TULP4: variants seen among roughly 807,000 people sequenced by gnomAD.
TULP4 encodes the protein TUB like protein 4, also known as tubby-related protein 4.
TULP4 carries 16 observed loss-of-function variants against 129.0 expected under a neutral mutation model. That is an observed-to-expected ratio of 0.12 (90% CI 0.08 to 0.19). The LOEUF (loss-of-function observed/expected upper bound fraction) is 0.19. Among genes scored for constraint, TULP4 ranks in the 10% least tolerant of loss-of-function variants. The pLI is 1.00. For synonymous variants in TULP4, 998 were observed against 854.0 expected, an observed-to-expected ratio of 1.17 and a Z score of -2.94; for missense variants, 1,842 against 2,059.1, an observed-to-expected ratio of 0.89 and a Z score of 2.04.
intron 1 of TULP4, among the ~76,000 whole-genome samples, chr6:158,288,136 A>G (rs1285930748): frequency 1.3e-5 from 2 of 152,232 alleles, no homozygotes; most frequent in Non-Finnish European, 2.9e-5. Context: ...CCTCATAGAG[A>G]AAATGGGAAT....
chr6:158,485,561 A>C (rs928894127), intron 8 of TULP4, among the ~76,000 whole-genome samples: 1 of 152,226 alleles, frequency 6.6e-6, no homozygotes, highest in Non-Finnish European at 1.5e-5. Context: ...CTATTCTTCA[A>C]GAAGAAAGAA....
intron 1 of TULP4, among the ~76,000 whole-genome samples, chr6:158,346,848 A>G (rs1780325654): frequency 1.3e-5 from 2 of 152,052 alleles, no homozygotes; most frequent in African/African-American, 2.4e-5. Context: ...CTGATCTGCT[A>G]CTTGCTAATT....
At chr6:158,332,210 T>A (rs879386906) in intron 1 of TULP4, among the ~76,000 whole-genome samples, 22 of 54,700 alleles carry the variant, frequency 4.0e-4, no homozygotes, top group Non-Finnish European at 5.5e-4. Flanking sequence ...AATATATATA[T>A]ATATATATAT....
At chr6:158,487,488 A>AT (rs1780099275) in intron 8 of TULP4, among the ~76,000 whole-genome samples, 1 of 152,230 alleles carries the variant, frequency 6.6e-6, no homozygotes, top group Non-Finnish European at 1.5e-5. Flanking sequence ...AAATTAGCAG[A>AT]TTCTTGAAAA....
At chr6:158,490,015 C>T (rs545023334) in intron 9 of TULP4, among the ~76,000 whole-genome samples, 1 of 152,242 alleles carries the variant, frequency 6.6e-6, no homozygotes, top group African/African-American at 2.4e-5. Flanking sequence ...AGTTCCCGGG[C>T]TTATATGTTT....
chr6:158,440,506 A>G (rs1307065456), intron 3 of TULP4, among the ~76,000 whole-genome samples: 2 of 152,176 alleles, frequency 1.3e-5, no homozygotes, highest in African/African-American at 4.8e-5. Flanking sequence ...AGTCTAAGCC[A>G]ACGCAAAGAG....
intron 1 of TULP4, among the ~76,000 whole-genome samples, chr6:158,367,711 T>C (rs1225311566): frequency 6.6e-6 from 1 of 152,146 alleles, no homozygotes; most frequent in Admixed American, 6.5e-5. Flanking sequence ...CAGGTGGTTC[T>C]CAAAGATTCT....
intron 1 of TULP4, among the ~76,000 whole-genome samples, chr6:158,365,103 T>C (rs1447374063): frequency 2.0e-5 from 3 of 151,926 alleles, no homozygotes; most frequent in Non-Finnish European, 4.4e-5. Flanking sequence ...GATTCAAGTC[T>C]TCAATTATGG....
In TULP4 at chr6:158,503,270, G is replaced by C. The variant is rs752213120; in HGVS notation, c.3607G>C (p.Val1203Leu). The change falls in exon 13 of 14, where the codon GTG (valine) becomes CTG (leucine). Residue 1203 changes from valine to leucine, a missense_variant. Around this residue, in one of 5 missense-constraint regions of TULP4, gnomAD observed 1,089 missense variants for 987.1 expected, o/e 1.10. Transcript: ENST00000367097. This position sits in a 1 kb window ranked among gnomAD's most constrained non-coding sequence, Gnocchi z 4.3. ...GSYNNPPLPGVQAPCSPKDAL... is the reference protein window; with the variant it reads ...GSYNNPPLPGLQAPCSPKDAL... Reference sequence around the variant, plus strand: ...CTATAACAACCCCCCTTTGCCTGGAGTGCAGGCTCCCTGCTCTCCCAAAGA... The same window carrying C: ...CTATAACAACCCCCCTTTGCCTGGACTGCAGGCTCCCTGCTCTCCCAAAGA... 3.2e-5 allele frequency: 51 copies of C among 1,613,856 alleles called. No homozygotes were observed. The highest frequency in any genetic ancestry group is 4.2e-5 in the Non-Finnish European group (50 of 1,180,004).
At chr6:158,392,422 G>A (rs1457902173) in intron 1 of TULP4, among the ~76,000 whole-genome samples, 1 of 152,196 alleles carries the variant, frequency 6.6e-6, no homozygotes, top group African/African-American at 2.4e-5. Context: ...TATGCAAATA[G>A]GAATTTGAAT....
intron 1 of TULP4, among the ~76,000 whole-genome samples, chr6:158,303,229 CAG>C (rs1260324071): frequency 1.3e-5 from 2 of 151,640 alleles, no homozygotes; most frequent in African/African-American, 4.9e-5. Context: ...ACTCACCAGC[CAG>C]AGTGGAAACA....
rs980578458 is a variant in TULP4, at chr6:158,413,903, CAATT to C, written c.381+714_381+717del. Among the ~76,000 whole-genome samples, 2 of 152,188 alleles carry C rather than the reference CAATT, an allele frequency of 1.3e-5. No individual in the cohort carries two copies. The highest frequency in any genetic ancestry group is 4.8e-5 in the African/African-American group (2 of 41,448). On this transcript the variant is annotated intron_variant, in intron 2 of 13. Transcript: ENST00000367097. This position sits in a 1 kb window ranked among gnomAD's most constrained non-coding sequence, Gnocchi z 4.9. ...AAGAACCTGAATCCTCAGGGGATGT[CAATT>C]AATAATTAATGAGGGGTTTCTTGGA... is the stretch of plus-strand genomic sequence containing the variant.
chr6:158,494,839 C>G lies in TULP4; in HGVS notation c.1863C>G (p.Leu621=). 6.2e-7 allele frequency: 1 copy of G among 1,613,904 alleles called. No individual in the cohort carries two copies. The highest frequency in any genetic ancestry group is 8.5e-7 in the Non-Finnish European group (1 of 1,179,884). The change falls in exon 11 of 14, where the codon CTC becomes CTG. Residue 621 remains leucine (L), a synonymous_variant. Transcript: ENST00000367097. ...VGLAAFLPTN[L]GAVIYKTSLL... is the part of the protein sequence containing the mutation. ...TGGCTGCTTTCCTGCCAACCAACCT[C>G]GGTGCAGGTAAAAATCATGTCCTCT...
intron 1 of TULP4, among the ~76,000 whole-genome samples, chr6:158,303,278 G>A (rs1779159668): frequency 6.6e-6 from 1 of 151,896 alleles, no homozygotes; most frequent in African/African-American, 2.4e-5. Context: ...CGTAAGTGTT[G>A]GCCGGCTGAG....
intron 5 of TULP4, among the ~76,000 whole-genome samples, chr6:158,457,175 C>A (rs1295305974): frequency 6.6e-6 from 1 of 152,108 alleles, no homozygotes; most frequent in Non-Finnish European, 1.5e-5. Context: ...GGTCTCCGAT[C>A]CACTTGGTTT....
chr6:158,316,776 A>T (rs1302899589), intron 1 of TULP4, among the ~76,000 whole-genome samples: 1 of 152,096 alleles, frequency 6.6e-6, no homozygotes, highest in Non-Finnish European at 1.5e-5. Context: ...CAGGACTGCT[A>T]GCTCCTCTGA....
intron 1 of TULP4, among the ~76,000 whole-genome samples, chr6:158,322,456 G>A (rs1779661964): frequency 6.6e-6 from 1 of 152,142 alleles, no homozygotes; most frequent in South Asian, 2.1e-4. Flanking sequence ...TTCTATCAGA[G>A]TTGTAGAACC....
At chr6:158,357,918 T>A (rs1780683937) in intron 1 of TULP4, among the ~76,000 whole-genome samples, 1 of 152,190 alleles carries the variant, frequency 6.6e-6, no homozygotes, top group Non-Finnish European at 1.5e-5. Context: ...CATTACATAC[T>A]TAGTAAGGAG....
At position 158,395,580 on chromosome 6, in the gene TULP4, T is replaced by TAA. The variant is rs764395132; in HGVS notation, c.253-17470_253-17469dup. 3.9e-3 allele frequency among the ~76,000 whole-genome samples: 430 copies of TAA among 110,226 alleles called. 3 individuals are homozygous for TAA. Among genetic ancestry groups the TAA allele is most frequent in the African/African-American group, 0.013 (394 of 29,830 alleles). 72.3% of individuals were successfully genotyped at this position (110,226 alleles called of 152,430 possible). ...TGGGCAACAAGAGCAAAACTCTGTCTAAAAAAAAAAAAAAAAGGAAGACCT... is the reference window on the plus strand; with the variant it reads ...TGGGCAACAAGAGCAAAACTCTGTCTAAAAAAAAAAAAAAAAAAGGAAGACCT... On this transcript the variant is annotated intron_variant, in intron 1 of 13. Coordinates refer to ENST00000367097, the MANE Select transcript of TULP4 (RefSeq NM_020245.5).
Sources: gnomAD v4.1 joint callset for allele counts (sites outside exome capture counted in the v4.1 genomes callset) on GRCh38, gnomAD v4.1.1 for gene constraint, gnomAD v4.1.1 regional missense constraint, Gnocchi (gnomAD v3.1) non-coding constraint, MANE v1.5 for transcripts, NCBI Gene and HGNC (gene_info 2026-07-23, HGNC 2026-07-21) for gene names.